The following PPP1R12A variants were observed in gnomAD, a reference collection of about 807,000 sequenced individuals.
PPP1R12A encodes the protein protein phosphatase 1 regulatory subunit 12A.
A neutral mutation model predicts 139.6 loss-of-function variants in PPP1R12A; 19 were observed. The ratio of observed to expected loss-of-function variants is 0.14; its 90% CI spans 0.09 to 0.20. PPP1R12A has a LOEUF of 0.20. Ranked by LOEUF, PPP1R12A falls within the 10% of genes least tolerant of loss-of-function variation. The probability of loss-of-function intolerance (pLI) is 1.00; values close to 1 mark genes in which losing one functional copy is unlikely to be tolerated. For missense variants in PPP1R12A, 925 were observed against 1,211.5 expected, an observed-to-expected ratio of 0.76 and a Z score of 3.51; for synonymous variants, 427 against 420.6, an observed-to-expected ratio of 1.02 and a Z score of -0.19.
At chr12:79,890,987 A>C (rs901073172) in intron 1 of PPP1R12A, among the ~76,000 whole-genome samples, 1 of 151,072 alleles carries the variant, frequency 6.6e-6, no homozygotes, top group African/African-American at 2.4e-5. Flanking sequence ...TCCAATTGAG[A>C]AAAAGGGGAA....
chr12:79,899,067 A>AT (rs999301801), intron 1 of PPP1R12A, among the ~76,000 whole-genome samples: 22 of 152,076 alleles, frequency 1.4e-4, no homozygotes, highest in Non-Finnish European at 3.1e-4. Flanking sequence ...ATCCACAGTC[A>AT]TTTATTTACA....
At chr12:79,799,928 G>C (rs923616857) in intron 14 of PPP1R12A, among the ~76,000 whole-genome samples, 18 of 152,062 alleles carry the variant, frequency 1.2e-4, no homozygotes, top group African/African-American at 3.6e-4. Context: ...AGGATCACCT[G>C]AGCCTGGAGA....
At chr12:79,814,858 A>G (rs1237714716) in intron 9 of PPP1R12A, among the ~76,000 whole-genome samples, 1 of 151,178 alleles carries the variant, frequency 6.6e-6, no homozygotes, top group Non-Finnish European at 1.5e-5. Context: ...ATTTTTACAC[A>G]TGATCGTTTT....
rs941612083 is a variant in PPP1R12A at position 79,781,759 on chromosome 12, T to C, written c.2955+56A>G. 3.8e-6 allele frequency: 4 copies of C among 1,062,580 alleles called. No homozygotes were observed. In the African/African-American group the frequency reaches 6.5e-5, roughly 17 times the overall value. 65.8% of individuals were successfully genotyped at this position (1,062,580 alleles called of 1,614,324 possible). On this transcript the variant is annotated intron_variant, in intron 23 of 24. Coordinates refer to ENST00000450142, the MANE Select transcript of PPP1R12A (RefSeq NM_002480.3). The stretch of plus-strand genomic sequence containing the variant: ...CAAAATAAAAACAAAAAACCTACCA[T>C]TGTTTACCTAAAACAAGAAAGAAAA...
chr12:79,872,796 G>T lies in PPP1R12A; in HGVS notation c.368+12C>A, dbSNP rs138600226. The T allele has an allele frequency of 7.3e-3, 11,755 of 1,612,568 alleles. 43 individuals carry two copies. The highest frequency in any genetic ancestry group is 8.9e-3 in the Non-Finnish European group (10,445 of 1,179,188). On this transcript the variant is annotated intron_variant, in intron 2 of 24. Transcript: ENST00000450142. ...AGTATTAGAATAAAATGAAAACACA[G>T]AACTGGCTTACTCTGCAATATCAAG...
intron 4 of PPP1R12A, 102 bp from the exon 5 acceptor site, chr12:79,828,566 T>C (rs1447283921): frequency 3.2e-6 from 3 of 951,724 alleles, no homozygotes; most frequent in Non-Finnish European, 4.4e-6. Flanking sequence ...TTTCAATTAA[T>C]TTCTTTTCAG....
Position 79,934,648 on chromosome 12 carries a change from G to C in PPP1R12A, c.237+47C>G, listed in dbSNP as rs766276295. 6 of 1,468,738 alleles carry C rather than the reference G, an allele frequency of 4.1e-6. No individual in the cohort carries two copies. The African/African-American group carries it at 4.2e-5, about 10-fold the overall frequency. The allele number at this position is 1,468,738 out of a possible 1,614,324, so 91.0% of individuals were successfully genotyped here. A position where few individuals can be genotyped will look rare whatever the true frequency, so the allele number is the denominator to read the frequency against. ...TGAGGGCAGGCCCGAGCAGGAGGCC[G>C]ACGAGAACCCTCACGGTCAGGAGAG... On this transcript the variant is annotated intron_variant, in intron 1 of 24. Transcript: ENST00000450142.
At chr12:79,836,875 T>C (rs1249030262) in intron 3 of PPP1R12A, among the ~76,000 whole-genome samples, 1 of 152,202 alleles carries the variant, frequency 6.6e-6, no homozygotes, top group Non-Finnish European at 1.5e-5. Context: ...GAATCTCTGA[T>C]CCACCACTTA....
intron 1 of PPP1R12A, among the ~76,000 whole-genome samples, chr12:79,903,405 C>T (rs1005029719): frequency 1.3e-5 from 2 of 150,272 alleles, no homozygotes; most frequent in African/African-American, 4.9e-5. Context: ...GAGCTGAGAT[C>T]ACAGCACTGC....
intron 15 of PPP1R12A, among the ~76,000 whole-genome samples, chr12:79,797,722 T>A (rs903232674): frequency 6.6e-6 from 1 of 152,170 alleles, no homozygotes; most frequent in Middle Eastern, 3.2e-3. Flanking sequence ...TATGTGTGTA[T>A]ATGTATCTAT....
chr12:79,794,038 C>T (rs1872206023), intron 18 of PPP1R12A, 110 bp from the exon 19 acceptor site: 2 of 735,380 alleles, frequency 2.7e-6, no homozygotes, highest in African/African-American at 1.8e-5. Context: ...TACATTGAGA[C>T]ATTTGTAGAT....
chr12:79,840,081 G>C (rs763264913), intron 3 of PPP1R12A, among the ~76,000 whole-genome samples: 3 of 152,134 alleles, frequency 2.0e-5, no homozygotes, highest in Non-Finnish European at 4.4e-5. Flanking sequence ...ATGGTACAGT[G>C]GTACAGAATG....
chr12:79,917,099 G>C (rs981071897), intron 1 of PPP1R12A, among the ~76,000 whole-genome samples: 4 of 152,066 alleles, frequency 2.6e-5, no homozygotes, highest in African/African-American at 7.2e-5. Flanking sequence ...TGTTTTTAAA[G>C]CGAGAAAAAC....
At position 79,798,860 on chromosome 12, in the gene PPP1R12A, C is replaced by T. The variant is rs142315912; in HGVS notation, c.2001-276G>A. 1.6e-4 allele frequency among the ~76,000 whole-genome samples: 25 copies of T among 151,992 alleles called. No individual in the cohort carries two copies. The East Asian group carries it at 2.3e-3, about 14-fold the overall frequency. ...GTAATTTAATTTTAAGATGGAACCA[C>T]ATTTTTAAAAAGGATTTAGAGAACT... On this transcript the variant is annotated intron_variant, in intron 14 of 24. Transcript: ENST00000450142.
rs577997226 is a variant in PPP1R12A at position 79,788,565 on chromosome 12, A to G, written c.2802+83T>C. The G allele has an allele frequency of 2.2e-4, 284 of 1,276,024 alleles. 1 individual carries two copies. The African/African-American group carries it at 4.0e-3, about 18-fold the overall frequency. The allele number at this position is 1,276,024 out of a possible 1,614,324, so 79.0% of individuals were successfully genotyped here. ...GTTATTTCAAAATACTCATTTCATT[A>G]TGAGTTTTTAAAATAATATTTGAAT... is the stretch of plus-strand genomic sequence containing the variant. On this transcript the variant is annotated intron_variant, in intron 21 of 24. Coordinates refer to ENST00000450142, the MANE Select transcript of PPP1R12A (RefSeq NM_002480.3).
rs374826330 is a variant in PPP1R12A at position 79,806,151 on chromosome 12, G to C, written c.1823+15C>G. ...CACACAGTAGACCTGAGCACAAAAT[G>C]TATCTGTGACTTACCTGCTTTGTGT... On this transcript the variant is annotated intron_variant, in intron 13 of 24. Coordinates refer to ENST00000450142, the MANE Select transcript of PPP1R12A (RefSeq NM_002480.3). The C allele has an allele frequency of 4.3e-6, 7 of 1,612,674 alleles. No homozygotes were observed. In the Admixed American group the frequency reaches 6.7e-5, roughly 15 times the overall value.
intron 1 of PPP1R12A, among the ~76,000 whole-genome samples, chr12:79,924,329 G>A (rs929740227): frequency 6.6e-6 from 1 of 152,158 alleles, no homozygotes; most frequent in Non-Finnish European, 1.5e-5. Flanking sequence ...TATGTCATCT[G>A]TCCAAACCTT....
At chr12:79,839,010 C>T (rs1183135412) in intron 3 of PPP1R12A, among the ~76,000 whole-genome samples, 2 of 152,212 alleles carry the variant, frequency 1.3e-5, no homozygotes, top group Non-Finnish European at 1.5e-5. Flanking sequence ...AGACACTCAA[C>T]ACTGGCCCAT....
rs58319454 is a variant in PPP1R12A, at chr12:79,899,233, AATAT to A, written c.238-26299_238-26296del. ...TACAATGAAATGCAGAGATCTTAAA[AATAT>A]ATATATATATATATATATATATATA... On this transcript the variant is annotated intron_variant, in intron 1 of 24. Coordinates refer to ENST00000450142, the MANE Select transcript of PPP1R12A (RefSeq NM_002480.3). 2.2e-3 allele frequency among the ~76,000 whole-genome samples: 317 copies of A among 141,584 alleles called. 1 individual carries two copies. Among genetic ancestry groups the A allele is most frequent in the East Asian group, 0.013 (55 of 4,262 alleles). 92.9% of individuals were successfully genotyped at this position (141,584 alleles called of 152,430 possible). A position where few individuals can be genotyped will look rare whatever the true frequency, so the allele number is the denominator to read the frequency against.
Sources: allele counts gnomAD v4.1 joint callset (sites outside exome capture counted in the v4.1 genomes callset), GRCh38; gene constraint gnomAD v4.1.1; transcripts MANE v1.5; gene names NCBI Gene and HGNC (gene_info 2026-07-23, HGNC 2026-07-21).